Variants in NRG1 observed in about 807,000 individuals in gnomAD.
NRG1 encodes the protein pro-neuregulin-1, membrane-bound isoform.
Under a neutral mutation model 63.8 loss-of-function variants are expected in NRG1, and 18 were observed. That is an observed-to-expected ratio of 0.28 (90% confidence interval 0.19 to 0.42). The LOEUF is 0.42. Among genes scored for constraint, NRG1 ranks in the 10% least tolerant of loss-of-function variants. The pLI is 1.00. For missense variants in NRG1, 762 were observed against 814.7 expected, an observed-to-expected ratio of 0.94 and a Z score of 0.79; for synonymous variants, 302 against 301.3, an observed-to-expected ratio of 1.00 and a Z score of -0.02.
chr8:32,595,784 G>T (rs1843243568), intron 1 of NRG1, 44 bp from the exon 2 acceptor site: 4 of 1,548,718 alleles, frequency 2.6e-6, no homozygotes, highest in Non-Finnish European at 2.6e-6. Flanking sequence ...TTGAAAGATT[G>T]CCTGGTGATC....
At chr8:32,256,601 A>G (rs774577709) in intron 1 of NRG1, 5 of 153,138 alleles carry the variant, frequency 3.3e-5, no homozygotes, top group Admixed American at 6.5e-5. Flanking sequence ...TTGCCTGGGT[A>G]TCACCAGCAG....
chr8:31,703,014 G>A (rs1810780092), intron 1 of NRG1, among the ~76,000 whole-genome samples: 1 of 150,598 alleles, frequency 6.6e-6, no homozygotes, highest in South Asian at 2.1e-4. Context: ...ATAAAGCAAA[G>A]AGAAGAGTTC....
At position 32,614,501 on chromosome 8, in the gene NRG1, C is replaced by CTT; in HGVS notation, c.401-5_401-4dup. 1 of 1,573,216 alleles carries CTT rather than the reference C, an allele frequency of 6.4e-7. No homozygotes were observed. The highest frequency in any genetic ancestry group is 2.3e-5 in the East Asian group (1 of 43,716). On this transcript the variant is annotated splice_polypyrimidine_tract_variant and intron_variant, in intron 3 of 11. Transcript: ENST00000356819. Reference sequence around the variant, plus strand: ...TTTATATATCATAATGTCCTATCACCTTTTTTTTTCAGAGATCATCACTGG... The same window carrying CTT: ...TTTATATATCATAATGTCCTATCACCTTTTTTTTTTTCAGAGATCATCACTGG...
At chr8:32,386,408 A>G (rs904891765) in intron 1 of NRG1, among the ~76,000 whole-genome samples, 8 of 152,346 alleles carry the variant, frequency 5.3e-5, no homozygotes, top group Admixed American at 3.9e-4. Flanking sequence ...TTGCAAAATA[A>G]GGAAATTTGA....
intron 1 of NRG1, among the ~76,000 whole-genome samples, chr8:32,345,158 T>G (rs566356756): frequency 6.6e-6 from 1 of 152,330 alleles, no homozygotes; most frequent in East Asian, 1.9e-4. Context: ...AAATGAAAAT[T>G]GATAGCAAAG....
chr8:32,398,676 G>T (rs1035847680), intron 1 of NRG1, among the ~76,000 whole-genome samples: 1 of 152,100 alleles, frequency 6.6e-6, no homozygotes, highest in Non-Finnish European at 1.5e-5. Context: ...CTTCCAAAGT[G>T]CTGGGATTAA....
intron 1 of NRG1, among the ~76,000 whole-genome samples, chr8:32,592,103 C>T (rs578157503): frequency 5.9e-5 from 8 of 135,700 alleles, no homozygotes; most frequent in East Asian, 4.1e-4. Context: ...CCAAGGCTCC[C>T]GGTTTTTTTT....
intron 1 of NRG1, among the ~76,000 whole-genome samples, chr8:32,065,266 A>G (rs1824572727): frequency 6.6e-6 from 1 of 152,138 alleles, no homozygotes; most frequent in African/African-American, 2.4e-5. Context: ...GGTTTGTTAC[A>G]TATGTATACA....
intron 1 of NRG1, among the ~76,000 whole-genome samples, chr8:31,659,211 A>G (rs916898300): frequency 9.2e-5 from 14 of 152,206 alleles, no homozygotes; most frequent in African/African-American, 3.1e-4. Context: ...TTCCTTCACT[A>G]GAACACCATG....
chr8:31,708,412 G>A (rs1414177645), intron 1 of NRG1, among the ~76,000 whole-genome samples: 2 of 150,932 alleles, frequency 1.3e-5, no homozygotes, highest in Non-Finnish European at 3.0e-5. Context: ...AACAACTTCC[G>A]ATTATTACTT....
exon 12 of NRG1, chr8:32,764,866 C>G (rs1831300968): frequency 6.5e-6 from 1 of 153,208 alleles, no homozygotes; most frequent in Non-Finnish European, 1.5e-5. Flanking sequence ...ATGAAGTTTT[C>G]TTTGCTTTCA....
At chr8:32,001,856 T>G (rs1812984696) in intron 1 of NRG1, among the ~76,000 whole-genome samples, 1 of 152,028 alleles carries the variant, frequency 6.6e-6, no homozygotes, top group South Asian at 2.1e-4. Context: ...GATGTTGACC[T>G]TGATCACTGG....
intron 1 of NRG1, among the ~76,000 whole-genome samples, chr8:31,644,962 G>C (rs868737725): frequency 2.0e-5 from 3 of 151,966 alleles, no homozygotes; most frequent in Admixed American, 1.3e-4. Context: ...ATACAATTAG[G>C]GTTCTTACTG....
intron 1 of NRG1, among the ~76,000 whole-genome samples, chr8:32,230,890 CT>C (rs1343643464): frequency 6.6e-6 from 1 of 152,104 alleles, no homozygotes; most frequent in Non-Finnish European, 1.5e-5. Context: ...CAATTCTCCT[CT>C]TTTAGCTATT....
At chr8:32,163,976 T>C (rs191088775) in intron 1 of NRG1, among the ~76,000 whole-genome samples, 1 of 152,202 alleles carries the variant, frequency 6.6e-6, no homozygotes, top group East Asian at 1.9e-4. Context: ...CTTCAAATCC[T>C]GATGATGTCA....
At chr8:32,450,763 G>A (rs1405083940) in intron 1 of NRG1, among the ~76,000 whole-genome samples, 1 of 152,136 alleles carries the variant, frequency 6.6e-6, no homozygotes, top group African/African-American at 2.4e-5. Flanking sequence ...TCAATGAAGA[G>A]CATAGAAGAG....
chr8:32,054,656 T>G (rs111591162), intron 1 of NRG1, among the ~76,000 whole-genome samples: 6 of 152,020 alleles, frequency 3.9e-5, no homozygotes, highest in Admixed American at 6.6e-5. Context: ...ATTGCTGTTT[T>G]ATAGATCAGT....
At chr8:32,105,059 A>G (rs535986081) in intron 1 of NRG1, among the ~76,000 whole-genome samples, 6 of 152,300 alleles carry the variant, frequency 3.9e-5, no homozygotes, top group East Asian at 3.9e-4. Context: ...CTAGACTCAT[A>G]CAAGTGGTAG....
intron 1 of NRG1, among the ~76,000 whole-genome samples, chr8:32,331,755 T>C (rs1802684650): frequency 6.6e-6 from 1 of 152,132 alleles, no homozygotes; most frequent in South Asian, 2.1e-4. Context: ...GATTAAGAGA[T>C]GAACATCTCA....
Sources: allele counts gnomAD v4.1 joint callset (sites outside exome capture counted in the v4.1 genomes callset), GRCh38; gene constraint gnomAD v4.1.1; transcripts MANE v1.5; gene names NCBI Gene and HGNC (gene_info 2026-07-23, HGNC 2026-07-21).